Variants in AGBL1 observed in about 807,000 individuals in gnomAD.
The protein encoded by AGBL1 is cytosolic carboxypeptidase 4.
AGBL1 carries 130 observed loss-of-function variants against 118.9 expected under a neutral mutation model. The ratio of observed to expected loss-of-function variants is 1.09; its 90% CI spans 0.95 to 1.26. AGBL1 has a LOEUF of 1.26. Ranked by LOEUF, AGBL1 falls within the 50% of genes most tolerant of loss-of-function variation. The pLI, the probability that AGBL1 is intolerant of heterozygous loss-of-function variation, is 0.00. For synonymous variants in AGBL1, 555 were observed against 478.9 expected, an observed-to-expected ratio of 1.16 and a Z score of -2.08; for missense variants, 1,584 against 1,298.1, an observed-to-expected ratio of 1.22 and a Z score of -3.38.
chr15:86,384,397 C>T (rs886966653), intron 17 of AGBL1, among the ~76,000 whole-genome samples: 1 of 152,062 alleles, frequency 6.6e-6, no homozygotes, highest in South Asian at 2.1e-4. Context: ...TTGATGGGGG[C>T]GGGTGCACAG....
At chr15:86,283,262 A>G (rs2079384056) in intron 16 of AGBL1, among the ~76,000 whole-genome samples, 1 of 152,146 alleles carries the variant, frequency 6.6e-6, no homozygotes, top group Non-Finnish European at 1.5e-5. Context: ...TGGGGCCCCA[A>G]GAGAGTTTCT....
At chr15:87,008,796 T>A (rs1468717204) in intron 24 of AGBL1, among the ~76,000 whole-genome samples, 2 of 152,312 alleles carry the variant, frequency 1.3e-5, no homozygotes, top group African/African-American at 4.8e-5. Context: ...TGTTATGTTT[T>A]AGCTAAGAGA....
In AGBL1 at chr15:86,654,919, A is replaced by C. The variant is rs144568011; in HGVS notation, c.2995-19354A>C. ...TTGCCACTCTGGAATCTCTCTCAGT[A>C]GGGTTATGCTCTTTTATAATGTAAT... On this transcript the variant is annotated intron_variant, in intron 21 of 22. Coordinates refer to ENST00000614907, the MANE Select transcript of AGBL1 (RefSeq NM_001386094.1). Among the ~76,000 whole-genome samples, 23 of 152,176 alleles carry C rather than the reference A, an allele frequency of 1.5e-4. No individual in the cohort carries two copies. The East Asian group carries it at 4.5e-3, about 29-fold the overall frequency.
At chr15:87,030,910 G>A (rs1224902993), downstream of AGBL1, among the ~76,000 whole-genome samples, 2 of 151,876 alleles carry the variant, frequency 1.3e-5, no homozygotes, top group Admixed American at 6.6e-5. Context: ...AGGATGTTGC[G>A]GCTGAGCTGA....
At chr15:86,805,612 T>C (rs1388051598) in intron 22 of AGBL1, among the ~76,000 whole-genome samples, 3 of 152,182 alleles carry the variant, frequency 2.0e-5, no homozygotes, top group Non-Finnish European at 4.4e-5. Flanking sequence ...ATTCTGAAGA[T>C]GTGTGGACTT....
intron 17 of AGBL1, among the ~76,000 whole-genome samples, chr15:86,307,831 C>A (rs965245590): frequency 1.1e-4 from 17 of 151,916 alleles, no homozygotes; most frequent in Non-Finnish European, 2.1e-4. Flanking sequence ...GATTAAAGAA[C>A]AATAATAAAA....
intron 22 of AGBL1, among the ~76,000 whole-genome samples, chr15:86,903,885 G>A (rs2080245224): frequency 6.6e-6 from 1 of 152,178 alleles, no homozygotes; most frequent in East Asian, 1.9e-4. Context: ...ACAATTGCCT[G>A]TAGAGGTCCA....
chr15:86,861,028 T>G (rs1459496728), intron 22 of AGBL1, among the ~76,000 whole-genome samples: 1 of 152,082 alleles, frequency 6.6e-6, no homozygotes, highest in Non-Finnish European at 1.5e-5. Flanking sequence ...TGATGGGCCT[T>G]CTTAAGGAGG....
chr15:86,600,519 C>T (rs1212977452), intron 21 of AGBL1, among the ~76,000 whole-genome samples: 1 of 152,126 alleles, frequency 6.6e-6, no homozygotes, highest in African/African-American at 2.4e-5. Flanking sequence ...CTGTGTATAC[C>T]TCCTAGACTG....
chr15:86,349,868 T>C (rs2080598450), intron 17 of AGBL1, among the ~76,000 whole-genome samples: 1 of 152,218 alleles, frequency 6.6e-6, no homozygotes, highest in Admixed American at 6.5e-5. Context: ...TTATATATCT[T>C]TGGGCAACTC....
chr15:86,376,289 G>C (rs1227315924), intron 17 of AGBL1, among the ~76,000 whole-genome samples: 1 of 152,162 alleles, frequency 6.6e-6, no homozygotes, highest in African/African-American at 2.4e-5. Flanking sequence ...CTGCAAAACT[G>C]CCCTCACTCT....
At chr15:86,108,233 T>C (rs1339335938) in intron 1 of AGBL1, among the ~76,000 whole-genome samples, 3 of 152,236 alleles carry the variant, frequency 2.0e-5, no homozygotes, top group East Asian at 3.8e-4. Flanking sequence ...ATACTTCACA[T>C]AGAACAGGTT....
chr15:86,805,028 C>T (rs2078697767), intron 22 of AGBL1, among the ~76,000 whole-genome samples: 1 of 151,990 alleles, frequency 6.6e-6, no homozygotes, highest in Non-Finnish European at 1.5e-5. Flanking sequence ...ACTCCCAGTG[C>T]CAAGTTTCTA....
intron 13 of AGBL1, 88 bp from the exon 14 acceptor site, chr15:86,269,831 C>G: frequency 1.4e-6 from 2 of 1,456,092 alleles, no homozygotes; most frequent in South Asian, 2.7e-5. Flanking sequence ...ATCTGTAACC[C>G]AGAAACTGAA....
chr15:86,321,270 A>C (rs190046306), intron 17 of AGBL1, among the ~76,000 whole-genome samples: 2 of 152,190 alleles, frequency 1.3e-5, no homozygotes, highest in Non-Finnish European at 2.9e-5. Flanking sequence ...ATTAAAATTC[A>C]TGATTGATTA....
intron 22 of AGBL1, among the ~76,000 whole-genome samples, chr15:86,776,844 A>C (rs2078264111): frequency 1.3e-5 from 2 of 151,568 alleles, no homozygotes; most frequent in South Asian, 4.2e-4. Context: ...TTTTTAAAAA[A>C]TCAACTTTTA....
intron 18 of AGBL1, among the ~76,000 whole-genome samples, chr15:86,415,238 C>A (rs1201989715): frequency 6.6e-6 from 1 of 152,074 alleles, no homozygotes; most frequent in East Asian, 1.9e-4. Flanking sequence ...GGTATACAAC[C>A]CCAGGGAAAG....
intron 22 of AGBL1, among the ~76,000 whole-genome samples, chr15:86,768,573 A>G (rs766673368): frequency 6.6e-6 from 1 of 151,772 alleles, no homozygotes; most frequent in Admixed American, 6.6e-5. Context: ...TGCATGCCTC[A>G]TTTCCTTTAG....
Position 86,271,631 on chromosome 15 carries a change from C to T in AGBL1, c.2000C>T (p.Thr667Ile), listed in dbSNP as rs1450433160. 2 of 1,611,506 alleles carry T rather than the reference C, an allele frequency of 1.2e-6. No individual in the cohort carries two copies. The highest frequency in any genetic ancestry group is 1.7e-5 in the Admixed American group (1 of 60,028). The change falls in exon 15 of 23, where the codon ACC (threonine) becomes ATC (isoleucine). Residue 667 changes from threonine (T) to isoleucine (I), a missense_variant. Coordinates refer to ENST00000614907, the MANE Select transcript of AGBL1 (RefSeq NM_001386094.1). ...NSQFNYGMQP[T>I]LYSVKEALLG... ...TGATTTTGTGTAGGGATGCAGCCCACCCTATATTCTGTGAAGGAGGCTCTT... is the reference window on the plus strand; with the variant it reads ...TGATTTTGTGTAGGGATGCAGCCCATCCTATATTCTGTGAAGGAGGCTCTT...
Sources: allele counts gnomAD v4.1 joint callset (sites outside exome capture counted in the v4.1 genomes callset), GRCh38; gene constraint gnomAD v4.1.1; transcripts MANE v1.5; gene names NCBI Gene and HGNC (gene_info 2026-07-23, HGNC 2026-07-21).